The following SLC45A4 variants were observed in gnomAD, a reference collection of about 807,000 sequenced individuals.
The protein encoded by SLC45A4 is solute carrier family 45 member 4.
SLC45A4 carries 32 observed loss-of-function variants against 63.7 expected under a neutral mutation model. The ratio of observed to expected loss-of-function variants is 0.50; its 90% CI spans 0.38 to 0.67. The LOEUF is 0.67. Among genes scored for constraint, SLC45A4 ranks in the 30% least tolerant of loss-of-function variants. The pLI, the probability that SLC45A4 is intolerant of heterozygous loss-of-function variation, is 0.00. For synonymous variants in SLC45A4, 535 were observed against 510.0 expected (o/e 1.05, Z -0.66); for missense variants, 1,027 against 1,157.7 (o/e 0.89, Z 1.64).
intron 2 of SLC45A4, among the ~76,000 whole-genome samples, chr8:141,233,275 G>A (rs1453595006): frequency 6.6e-6 from 1 of 152,124 alleles, no homozygotes; most frequent in Non-Finnish European, 1.5e-5. Flanking sequence ...ATTTAGATGT[G>A]GCTTGAGAAT....
At chr8:141,263,781 A>AATAAT (rs572078047) in intron 1 of SLC45A4, among the ~76,000 whole-genome samples, 1 of 140,336 alleles carries the variant, frequency 7.1e-6, no homozygotes, top group Non-Finnish European at 1.6e-5. Flanking sequence ...AAAAAAAAAA[A>AATAAT]AATAAAAATA....
At position 141,308,055 on chromosome 8, in the gene SLC45A4, GGGGCGGCGGGGCAGGCGGCTGC is replaced by G; in HGVS notation, c.-401+19_-401+40del. 6.6e-6 allele frequency: 1 copy of G among 152,376 alleles called. No homozygotes were observed. Among genetic ancestry groups the G allele is most frequent in the African/African-American group, 2.4e-5 (1 of 41,368 alleles). The allele number at this position is 152,376 out of a possible 1,614,324, so 9.4% of individuals were successfully genotyped here. On this transcript the variant is annotated intron_variant, in intron 1 of 8. Coordinates refer to ENST00000517878, the MANE Select transcript of SLC45A4 (RefSeq NM_001286646.2). The stretch of plus-strand genomic sequence containing the variant: ...CCCGGCGCCCAGGTGCGAGGTGCAG[GGGGCGGCGGGGCAGGCGGCTGC>G]GGGCGGCAGGCCACTCACCTGTCTC...
intron 2 of SLC45A4, among the ~76,000 whole-genome samples, chr8:141,230,629 G>A (rs1827294109): frequency 1.3e-5 from 2 of 152,238 alleles, no homozygotes; most frequent in South Asian, 4.1e-4. Flanking sequence ...TCTGCCGCCC[G>A]GCCTTGCTGC....
chr8:141,307,496 G>A (rs1247310198), intron 1 of SLC45A4, among the ~76,000 whole-genome samples: 1 of 151,862 alleles, frequency 6.6e-6, no homozygotes, highest in Admixed American at 6.5e-5. Flanking sequence ...CCAGGGTCGT[G>A]TGTGCACTGG....
At chr8:141,225,273 T>A (rs189869780) in intron 2 of SLC45A4, 166 of 152,332 alleles carry the variant, frequency 1.1e-3, no homozygotes, top group African/African-American at 3.5e-3. Context: ...TCTGAGAGTG[T>A]TCATGGTTTT....
At chr8:141,301,867 A>G (rs1385412089) in intron 1 of SLC45A4, among the ~76,000 whole-genome samples, 1 of 151,330 alleles carries the variant, frequency 6.6e-6, no homozygotes, top group Admixed American at 6.6e-5. Flanking sequence ...GAGGCTGGAG[A>G]GAGAGAATTG....
At chr8:141,293,935 G>GA (rs928007270) in intron 1 of SLC45A4, among the ~76,000 whole-genome samples, 80 of 92,830 alleles carry the variant, frequency 8.6e-4, no homozygotes, top group Non-Finnish European at 8.4e-4. Flanking sequence ...TCTATCTCAA[G>GA]AAAAAAAAAA....
intron 1 of SLC45A4, among the ~76,000 whole-genome samples, chr8:141,291,413 T>TC (rs1239603471): frequency 6.6e-6 from 1 of 152,106 alleles, no homozygotes; most frequent in African/African-American, 2.4e-5. Context: ...AAATCAGTCC[T>TC]CCCTTTTGTA....
intron 1 of SLC45A4, among the ~76,000 whole-genome samples, chr8:141,270,642 G>A (rs1049768050): frequency 6.6e-6 from 1 of 152,144 alleles, no homozygotes; most frequent in Non-Finnish European, 1.5e-5. Context: ...CTGCACTCTA[G>A]CCAGGGTGAC....
chr8:141,212,149 C>CGGGGGGGGGG, intron 8 of SLC45A4, 48 bp downstream of exon 8: 1 of 643,494 alleles, frequency 1.6e-6, no homozygotes, highest in Non-Finnish European at 2.0e-6. Flanking sequence ...CCCGCCCGCC[C>CGGGGGGGGGG]GCCCACCCGC....
At chr8:141,238,930 C>A (rs6981564) in intron 2 of SLC45A4, among the ~76,000 whole-genome samples, 2 of 152,082 alleles carry the variant, frequency 1.3e-5, no homozygotes, top group South Asian at 2.1e-4. Flanking sequence ...ACCCCAGTGC[C>A]AGGTACTCTT....
chr8:141,295,575 G>C (rs1017524373), intron 1 of SLC45A4, among the ~76,000 whole-genome samples: 7 of 152,194 alleles, frequency 4.6e-5, no homozygotes, highest in Non-Finnish European at 1.0e-4. Context: ...AAGCTGGTCT[G>C]GAACACCCAC....
chr8:141,218,350 G>A lies in SLC45A4; in HGVS notation c.1290C>T (p.Tyr430=), dbSNP rs755978905. The change falls in exon 5 of 9, where the codon TAC becomes TAT. Residue 430 remains tyrosine, a synonymous_variant. Transcript: ENST00000517878. The stretch of plus-strand genomic sequence containing the variant: ...GGTAGCAGTGGGACCCAAGCTTGCC[G>A]TAGTAGGAGAAGGTGCTGGAGGCCT... The part of the protein sequence containing the change: ...RRQASSTFSY[Y]GKLGSHCYRY... 1.3e-5 allele frequency: 21 copies of A among 1,608,062 alleles called. No individual in the cohort carries two copies. The East Asian group carries it at 1.6e-4, about 12-fold the overall frequency.
intron 2 of SLC45A4, among the ~76,000 whole-genome samples, chr8:141,247,943 C>T (rs751847803): frequency 1.6e-4 from 25 of 152,310 alleles, no homozygotes; most frequent in South Asian, 1.0e-3. Context: ...TCAATTTCCA[C>T]GTGCCAGATG....
At chr8:141,255,823 GTT>G (rs1828750683) in intron 1 of SLC45A4, among the ~76,000 whole-genome samples, 2 of 152,208 alleles carry the variant, frequency 1.3e-5, no homozygotes, top group Non-Finnish European at 2.9e-5. Flanking sequence ...TCCGGGGGGA[GTT>G]CGAAGTCTAC....
chr8:141,247,416 G>C (rs1423464455), intron 2 of SLC45A4, among the ~76,000 whole-genome samples: 6 of 152,028 alleles, frequency 3.9e-5, no homozygotes, highest in African/African-American at 1.4e-4. Flanking sequence ...TAAGTGTGTT[G>C]AGAAGATATA....
intron 2 of SLC45A4, among the ~76,000 whole-genome samples, chr8:141,240,764 TG>T (rs1188395271): frequency 2.6e-5 from 4 of 152,052 alleles, no homozygotes; most frequent in Non-Finnish European, 5.9e-5. Context: ...ATAAGTAAAA[TG>T]AGAAACCGGC....
chr8:141,231,102 C>T (rs1827324772), intron 2 of SLC45A4, among the ~76,000 whole-genome samples: 1 of 152,208 alleles, frequency 6.6e-6, no homozygotes, highest in Admixed American at 6.5e-5. Context: ...GTGGGAGAAG[C>T]CACATTCGGT....
intron 1 of SLC45A4, among the ~76,000 whole-genome samples, chr8:141,280,089 C>T (rs1829878292): frequency 6.6e-6 from 1 of 152,236 alleles, no homozygotes; most frequent in Non-Finnish European, 1.5e-5. Flanking sequence ...CAGGCACCTC[C>T]TTGCACCCAG....
Sources: gnomAD v4.1 joint callset for allele counts (sites outside exome capture counted in the v4.1 genomes callset) on GRCh38, gnomAD v4.1.1 for gene constraint, MANE v1.5 for transcripts, NCBI Gene and HGNC (gene_info 2026-07-23, HGNC 2026-07-21) for gene names.